The following USP2 variants were observed in gnomAD, a reference collection of about 807,000 sequenced individuals.
The protein encoded by USP2 is ubiquitin carboxyl-terminal hydrolase 2.
A neutral mutation model predicts 72.0 loss-of-function variants in USP2; 33 were observed. The ratio of observed to expected loss-of-function variants is 0.46; its 90% CI spans 0.35 to 0.61. The LOEUF (loss-of-function observed/expected upper bound fraction) is 0.61. Ranked by LOEUF, USP2 falls within the 20% of genes least tolerant of loss-of-function variation. The pLI is 0.01. For synonymous variants in USP2, 296 were observed against 312.5 expected (o/e 0.95, Z 0.56); for missense variants, 691 against 797.8 (o/e 0.87, Z 1.61).
At position 119,373,442 on chromosome 11, in the gene USP2, T is replaced by A. The variant is rs372649067; in HGVS notation, c.39A>T (p.Glu13Asp). ...AGTGGGCATCTGTGTAGCGGGCCGA[T>A]TCTGTGTAGCGCTTCAGGGTGGAGG... ...QLSSTLKRYT[E>D]SARYTDAHYA... The change falls in exon 2 of 13, where the codon GAA (glutamate) becomes GAT (aspartate). Residue 13 changes from glutamate (E) to aspartate (D), a missense_variant. Coordinates refer to ENST00000260187, the MANE Select transcript of USP2 (RefSeq NM_004205.5). The A allele has an allele frequency of 1.4e-4, 228 of 1,599,226 alleles. No homozygotes were observed. The highest frequency in any genetic ancestry group is 1.8e-4 in the Non-Finnish European group (215 of 1,178,600).
chr11:119,368,988 A>G (rs1021414928), intron 2 of USP2, among the ~76,000 whole-genome samples: 3 of 152,238 alleles, frequency 2.0e-5, no homozygotes, highest in Non-Finnish European at 4.4e-5. Context: ...TCGTCCTTCC[A>G]TAGACCCCGG....
chr11:119,370,609 A>AG (rs369873806), intron 2 of USP2, among the ~76,000 whole-genome samples: 1 of 2,008 alleles, frequency 5.0e-4, no homozygotes, highest in East Asian at 0.042. Context: ...AATGACGATA[A>AG]GGGGTGGAGA....
intron 2 of USP2, among the ~76,000 whole-genome samples, chr11:119,370,858 G>GC (rs1950916734): frequency 6.6e-6 from 1 of 152,216 alleles, no homozygotes; most frequent in African/African-American, 2.4e-5. Context: ...CCTGGAGCCG[G>GC]GGGGAGGAGC....
chr11:119,364,027 G>A (rs1326897912), intron 2 of USP2: 2 of 1,237,116 alleles, frequency 1.6e-6, no homozygotes, highest in African/African-American at 1.6e-5. Flanking sequence ...TTTGGCCCTC[G>A]CTTAACGTTG....
At chr11:119,363,808 C>G (rs1336169375) in intron 2 of USP2, 3 of 1,373,356 alleles carry the variant, frequency 2.2e-6, no homozygotes, top group African/African-American at 3.1e-5. Context: ...GGCGGGACCC[C>G]AGGCCCTCGG....
chr11:119,364,051 G>A (rs1170848684), intron 2 of USP2: 2 of 1,271,018 alleles, frequency 1.6e-6, no homozygotes, highest in Non-Finnish European at 2.0e-6. Context: ...GCGGGGGCGC[G>A]GGGGGAGTCC....
intron 2 of USP2, among the ~76,000 whole-genome samples, chr11:119,369,051 C>T (rs1031151330): frequency 9.9e-5 from 15 of 152,136 alleles, no homozygotes; most frequent in African/African-American, 1.9e-4. Context: ...GACTGGGGCT[C>T]CTGGGTCTCT....
chr11:119,380,502 T>A (rs1951047534), intron 1 of USP2, among the ~76,000 whole-genome samples: 1 of 151,878 alleles, frequency 6.6e-6, no homozygotes. Context: ...CTGGGCAGGG[T>A]CACAAGAGGA....
At chr11:119,363,988 G>A (rs1950809628) in intron 2 of USP2, 6 of 1,223,012 alleles carry the variant, frequency 4.9e-6, no homozygotes, top group African/African-American at 1.6e-5. Flanking sequence ...GGTGTACGAG[G>A]TGCGCATGCT....
intron 2 of USP2, among the ~76,000 whole-genome samples, chr11:119,367,716 A>G (rs1950873862): frequency 6.6e-6 from 1 of 152,216 alleles, no homozygotes; most frequent in Non-Finnish European, 1.5e-5. Flanking sequence ...GCTGGATTCC[A>G]GAGGCCCACA....
chr11:119,378,862 A>T, intron 1 of USP2: 1 of 462,452 alleles, frequency 2.2e-6, no homozygotes, highest in Non-Finnish European at 2.8e-6. Flanking sequence ...CTCTGTTCTC[A>T]GCCTCCGGAG....
chr11:119,378,738 A>G (rs1054928562), intron 1 of USP2, among the ~76,000 whole-genome samples: 5 of 152,034 alleles, frequency 3.3e-5, no homozygotes, highest in African/African-American at 1.2e-4. Context: ...TCCAGGTAGT[A>G]TTGGGATCCT....
rs113259837 is a variant in USP2 at position 119,367,761 on chromosome 11, C to T, written c.774+4946G>A. ...CTTTTGCATGTGTCTCCGTCTGGGGCGCTAGTTTTATGTACGTATTGAGGT... is the reference window on the plus strand; with the variant it reads ...CTTTTGCATGTGTCTCCGTCTGGGGTGCTAGTTTTATGTACGTATTGAGGT... On this transcript the variant is annotated intron_variant, in intron 2 of 12. Coordinates refer to ENST00000260187, the MANE Select transcript of USP2 (RefSeq NM_004205.5). Among the ~76,000 whole-genome samples, 1,305 of 152,266 alleles carry T rather than the reference C, an allele frequency of 8.6e-3. 19 individuals carry two copies. The highest frequency in any genetic ancestry group is 0.03 in the African/African-American group (1,235 of 41,550).
Position 119,372,776 on chromosome 11 carries a change from C to A in USP2, c.705G>T (p.Thr235=). The part of the protein sequence containing the change: ...SPTYRPIGRY[T]LWETGKGQAP... ...CCTGACCCTTTCCCGTCTCCCACAG[C>A]GTGTAGCGGCCAATGGGTCGGTAGG... Residue 235 remains threonine, a synonymous_variant, in exon 2 of 13, where the codon ACG becomes ACT. Transcript: ENST00000260187. 1.9e-6 allele frequency: 3 copies of A among 1,582,316 alleles called. No individual in the cohort carries two copies. Among genetic ancestry groups the A allele is most frequent in the South Asian group, 1.2e-5 (1 of 84,582 alleles).
At chr11:119,371,759 C>T (rs1950930036) in intron 2 of USP2, among the ~76,000 whole-genome samples, 1 of 152,138 alleles carries the variant, frequency 6.6e-6, no homozygotes, top group Non-Finnish European at 1.5e-5. Context: ...CCCTTCTGCC[C>T]ATATGCTTGC....
chr11:119,374,256 C>T (rs778782266), intron 1 of USP2, among the ~76,000 whole-genome samples: 1 of 152,186 alleles, frequency 6.6e-6, no homozygotes, highest in Admixed American at 6.5e-5. Context: ...CTGTGGCCTC[C>T]TAAGAGTTCC....
At chr11:119,357,103 G>C in intron 12 of USP2, 84 bp downstream of exon 12, 1 of 1,378,108 alleles carries the variant, frequency 7.3e-7, no homozygotes, top group Non-Finnish European at 9.8e-7. Flanking sequence ...GGGTGGGAGG[G>C]GGGTGGGTTT....
intron 7 of USP2, 137 bp downstream of exon 7, chr11:119,358,636 G>C: frequency 9.4e-7 from 1 of 1,069,052 alleles, no homozygotes; most frequent in Non-Finnish European, 1.4e-6. Flanking sequence ...CTTCTTTCTT[G>C]CTGTTCCTGC....
chr11:119,378,084 TGGGAGCCCCCACAGTGG>T (rs1050130253), intron 1 of USP2, among the ~76,000 whole-genome samples: 13 of 152,078 alleles, frequency 8.5e-5, no homozygotes, highest in Non-Finnish European at 1.8e-4. Context: ...GCCAGGTGGT[TGGGAGCCCCCACAGTGG>T]TGACCTCAGA....
Sources: allele counts gnomAD v4.1 joint callset (sites outside exome capture counted in the v4.1 genomes callset), GRCh38; gene constraint gnomAD v4.1.1; transcripts MANE v1.5; gene names NCBI Gene and HGNC (gene_info 2026-07-23, HGNC 2026-07-21).